The following GANAB variants were observed in gnomAD, a reference collection of about 807,000 sequenced individuals.
GANAB encodes glucosidase II alpha subunit.
GANAB carries 35 observed loss-of-function variants against 129.9 expected under a neutral mutation model. The observed-to-expected ratio is 0.27, with a 90% CI of 0.21 to 0.36. The LOEUF (loss-of-function observed/expected upper bound fraction) is 0.36. Among genes scored for constraint, GANAB ranks in the 10% least tolerant of loss-of-function variants. The probability of loss-of-function intolerance (pLI) is 1.00; values close to 1 mark genes in which losing one functional copy is unlikely to be tolerated. For synonymous variants in GANAB, 482 were observed against 451.8 expected (o/e 1.07, Z -0.85); for missense variants, 939 against 1,221.0 (o/e 0.77, Z 3.44).
chr11:62,640,404 G>A (rs1273894729), intron 1 of GANAB, among the ~76,000 whole-genome samples: 1 of 149,412 alleles, frequency 6.7e-6, no homozygotes, highest in Non-Finnish European at 1.5e-5. Flanking sequence ...GTGGTGGCAG[G>A]TGTCTGTAGT....
Position 62,634,356 on chromosome 11 carries a change from G to A in GANAB, c.560+465C>T, listed in dbSNP as rs770649060. ...TTATCCCATATGCTACCAAGCGTGA[G>A]ATTAACCTTATCCGAGAAACTGGGG... is the stretch of plus-strand genomic sequence containing the variant. On this transcript the variant is annotated intron_variant, in intron 5 of 23. Transcript: ENST00000356638. The A allele has an allele frequency of 3.9e-5, 63 of 1,611,414 alleles. No homozygotes were observed. The Admixed American group carries it at 1.0e-3, about 26-fold the overall frequency.
chr11:62,646,389 G>A (rs946862034), intron 1 of GANAB, among the ~76,000 whole-genome samples, 173 bp downstream of exon 1: 1 of 152,154 alleles, frequency 6.6e-6, no homozygotes, highest in Non-Finnish European at 1.5e-5. Flanking sequence ...CCCCAGCGTC[G>A]CTCGGATCTA....
intron 2 of GANAB, 76 bp from the exon 3 acceptor site, chr11:62,639,543 C>T: frequency 1.4e-6 from 2 of 1,425,950 alleles, no homozygotes; most frequent in Non-Finnish European, 2.0e-6. Flanking sequence ...CCTGCAGTGT[C>T]CTTAGGCACT....
chr11:62,644,224 G>A (rs886621595), intron 1 of GANAB, among the ~76,000 whole-genome samples: 3 of 152,144 alleles, frequency 2.0e-5, no homozygotes, highest in Non-Finnish European at 4.4e-5. Context: ...GATTACAGGT[G>A]TGAGCCATCG....
Position 62,633,025 on chromosome 11 carries a change from G to A in GANAB, c.795C>T (p.Asn265=). 6.2e-7 allele frequency: 1 copy of A among 1,604,702 alleles called. No homozygotes were observed. Among genetic ancestry groups the A allele is most frequent in the South Asian group, 1.1e-5 (1 of 90,894 alleles). ...HVYGIPEHAD[N]LRLKVTEGGE... ...CTCACTCAGTGACCTTCAGCCTCAG[G>A]TTGTCTGCATGCTCAGGGATCCCAT... The change falls in exon 8 of 24, where the codon AAC becomes AAT. Residue 265 remains asparagine, a synonymous_variant. Coordinates refer to ENST00000356638, the MANE Select transcript of GANAB (RefSeq NM_198334.3).
chr11:62,631,001 A>G (rs1357873727), intron 10 of GANAB, 29 bp downstream of exon 10: 1 of 1,584,792 alleles, frequency 6.3e-7, no homozygotes, highest in African/African-American at 1.3e-5. Context: ...AGAAAAGAGC[A>G]GAAGAATGAG....
intron 4 of GANAB, among the ~76,000 whole-genome samples, chr11:62,635,437 C>T (rs973696143): frequency 1.3e-5 from 2 of 151,946 alleles, no homozygotes; most frequent in Non-Finnish European, 1.5e-5. Context: ...ACCTCGGCCT[C>T]GCAAAGTGCT....
chr11:62,643,538 G>A (rs1197099991), intron 1 of GANAB, among the ~76,000 whole-genome samples: 1 of 152,196 alleles, frequency 6.6e-6, no homozygotes, highest in Admixed American at 6.6e-5. Context: ...AGCTACTCAG[G>A]AGGCTGAGGC....
At chr11:62,630,074 G>A (rs545022563) in intron 13 of GANAB, 117 bp from the exon 14 acceptor site, 19 of 1,296,294 alleles carry the variant, frequency 1.5e-5, no homozygotes, top group East Asian at 4.7e-5. Context: ...GGCCCTCCCC[G>A]GATCATCAAG....
intron 17 of GANAB, among the ~76,000 whole-genome samples, 160 bp from the exon 18 acceptor site, chr11:62,627,513 C>T (rs926849330): frequency 2.6e-5 from 4 of 152,244 alleles, no homozygotes; most frequent in African/African-American, 9.6e-5. Flanking sequence ...GGGAAGATCA[C>T]CTGAGGTCAG....
rs1943576424 is a variant in GANAB at position 62,629,794 on chromosome 11, C to T, written c.1737+20G>A. 1.2e-6 allele frequency: 2 copies of T among 1,613,666 alleles called. No homozygotes were observed. The highest frequency in any genetic ancestry group is 1.7e-6 in the Non-Finnish European group (2 of 1,179,594). On this transcript the variant is annotated intron_variant, in intron 14 of 23. Transcript: ENST00000356638. ...GCTGTTTTCCCTCTTTCCACCAACT[C>T]TCCTCTCTCAGGCCCTTACCACATA...
In GANAB at chr11:62,633,281, A is replaced by T. The variant is rs746364388; in HGVS notation, c.631-10T>A. ...CCTGAGTCTCCTCTGGCTGTTAAGAAGAAAAGAGGACCACTCTCCAATCAT... is the reference window on the plus strand; with the variant it reads ...CCTGAGTCTCCTCTGGCTGTTAAGATGAAAAGAGGACCACTCTCCAATCAT... On this transcript the variant is annotated splice_polypyrimidine_tract_variant and intron_variant, in intron 6 of 23. Transcript: ENST00000356638. 6.2e-7 allele frequency: 1 copy of T among 1,606,584 alleles called. No individual in the cohort carries two copies. Among genetic ancestry groups the T allele is most frequent in the South Asian group, 1.1e-5 (1 of 90,916 alleles).
In GANAB at chr11:62,645,643, A is replaced by T. The variant is rs141155107; in HGVS notation, c.38+919T>A. 8.3e-3 allele frequency among the ~76,000 whole-genome samples: 1,270 copies of T among 152,242 alleles called. 18 individuals are homozygous for T. The highest frequency in any genetic ancestry group is 0.029 in the African/African-American group (1,222 of 41,538). On this transcript the variant is annotated intron_variant, in intron 1 of 23. Transcript: ENST00000356638. ...AGATGCCAATGGAGATAGGATTCCT[A>T]AAGCATCTTTCAGATATGACCTGTT...
At chr11:62,636,984 A>G (rs1943974136) in intron 4 of GANAB, among the ~76,000 whole-genome samples, 2 of 152,026 alleles carry the variant, frequency 1.3e-5, no homozygotes, top group Admixed American at 6.6e-5. Context: ...ACTAAATACA[A>G]CAAACAAAAG....
Position 62,627,123 on chromosome 11 carries a change from C to T in GANAB, c.2247G>A (p.Gly749=), listed in dbSNP as rs1943427253. Residue 749 remains glycine (G), a splice_region_variant and synonymous_variant, in exon 19 of 24, where the codon GGG becomes GGA. Coordinates refer to ENST00000356638, the MANE Select transcript of GANAB (RefSeq NM_198334.3). ...TFNIDDQYLL[G]DALLVHPVSD... ...ATACAGGGTGAACCAGCAACGCATC[C>T]CCTAAAATATGCCAGAATCAACTCT... The T allele has an allele frequency of 1.9e-6, 3 of 1,612,904 alleles. No homozygotes were observed. Among genetic ancestry groups the T allele is most frequent in the Non-Finnish European group, 2.5e-6 (3 of 1,178,926 alleles).
At chr11:62,633,326 G>A (rs1050509189) in intron 6 of GANAB, 55 bp from the exon 7 acceptor site, 66 of 1,548,970 alleles carry the variant, frequency 4.3e-5, no homozygotes, top group Non-Finnish European at 5.6e-5. Context: ...CTCTTTCCCC[G>A]CTCCCATCAA....
chr11:62,626,984 T>C lies in GANAB; in HGVS notation c.2323-50A>G, dbSNP rs765472949. ...TACCGGATCACTCAGTGCACAGGGG[T>C]CCCGTCCTGTTTGCCTCCTTTGGCT... On this transcript the variant is annotated intron_variant, in intron 19 of 23. Coordinates refer to ENST00000356638, the MANE Select transcript of GANAB (RefSeq NM_198334.3). The C allele has an allele frequency of 8.3e-6, 13 of 1,569,750 alleles. No individual in the cohort carries two copies. In the African/African-American group the frequency reaches 1.6e-4, roughly 20 times the overall value.
intron 4 of GANAB, among the ~76,000 whole-genome samples, chr11:62,638,575 G>T (rs1338958657): frequency 6.9e-6 from 1 of 145,466 alleles, no homozygotes; most frequent in African/African-American, 2.6e-5. Context: ...TAAGGAAAAG[G>T]AAAGGAGGAA....
chr11:62,628,286 G>A (rs867257449), intron 17 of GANAB, among the ~76,000 whole-genome samples: 54 of 140,792 alleles, frequency 3.8e-4, no homozygotes, highest in African/African-American at 8.8e-4. Flanking sequence ...GAGCAATCTC[G>A]GCTCACTGCA....
Sources: gnomAD v4.1 joint callset for allele counts (sites outside exome capture counted in the v4.1 genomes callset) on GRCh38, gnomAD v4.1.1 for gene constraint, MANE v1.5 for transcripts, NCBI Gene and HGNC (gene_info 2026-07-23, HGNC 2026-07-21) for gene names.